RIMS1: variants seen among roughly 807,000 people sequenced by gnomAD.
The protein encoded by RIMS1 is regulating synaptic membrane exocytosis protein 1.
A neutral mutation model predicts 214.1 loss-of-function variants in RIMS1; 83 were observed. The observed-to-expected ratio is 0.39, with a 90% CI of 0.32 to 0.47. The LOEUF (loss-of-function observed/expected upper bound fraction) is 0.47, where lower values mean the gene tolerates loss of function less well. RIMS1 is among the 20% of genes least tolerant of loss of function. The pLI, the probability that RIMS1 is intolerant of heterozygous loss-of-function variation, is 0.99. For missense variants in RIMS1, 2,050 were observed against 2,161.8 expected (o/e 0.95, Z 1.03); for synonymous variants, 793 against 786.8 (o/e 1.01, Z -0.13).
chr6:72,290,438 T>C (rs569556898), intron 24 of RIMS1, among the ~76,000 whole-genome samples: 2 of 152,284 alleles, frequency 1.3e-5, no homozygotes, highest in African/African-American at 4.8e-5. Context: ...TGGTGGAACA[T>C]ACAAGAGGTT....
At chr6:72,252,961 C>T (rs990673274) in intron 16 of RIMS1, 129 bp downstream of exon 16, 1 of 642,256 alleles carries the variant, frequency 1.6e-6, no homozygotes, top group Non-Finnish European at 2.7e-6. Context: ...TATATTATTC[C>T]ATGGTGACTT....
chr6:71,888,150 A>G (rs1768419695), intron 1 of RIMS1, among the ~76,000 whole-genome samples: 1 of 152,156 alleles, frequency 6.6e-6, no homozygotes, highest in South Asian at 2.1e-4. Flanking sequence ...TGCCTCAGAC[A>G]AAACTGCTTA....
chr6:72,402,684 A>G lies in RIMS1; in HGVS notation c.*1970A>G, dbSNP rs2154465266. 1 of 152,792 alleles carries G rather than the reference A, an allele frequency of 6.5e-6. No homozygotes were observed. Among genetic ancestry groups the G allele is most frequent in the Admixed American group, 6.5e-5 (1 of 15,292 alleles). The allele number at this position is 152,792 out of a possible 1,614,324, so 9.5% of individuals were successfully genotyped here. On this transcript the variant is annotated 3_prime_UTR_variant, in exon 34 of 34. Coordinates refer to ENST00000521978, the MANE Select transcript of RIMS1 (RefSeq NM_014989.7). ...GTTCTGTCTTAGTGGCCAACAATCA[A>G]CTGATTATAATTGGGTAGTATCTTT... is the stretch of plus-strand genomic sequence containing the variant.
At chr6:71,964,568 A>G (rs1793904220) in intron 1 of RIMS1, among the ~76,000 whole-genome samples, 1 of 152,166 alleles carries the variant, frequency 6.6e-6, no homozygotes, top group Admixed American at 6.5e-5. Context: ...TGGTATTAGG[A>G]CACAGGATGT....
At chr6:72,131,638 TG>T (rs1314831135) in intron 4 of RIMS1, among the ~76,000 whole-genome samples, 1 of 152,170 alleles carries the variant, frequency 6.6e-6, no homozygotes, top group Non-Finnish European at 1.5e-5. Context: ...ACCACAGGAC[TG>T]GGGCAAAATT....
At position 72,248,070 on chromosome 6, in the gene RIMS1, T is replaced by G. The variant is rs777279575; in HGVS notation, c.2184T>G (p.Ser728=). The change falls in exon 12 of 34, where the codon TCT becomes TCG. Residue 728 remains serine, a synonymous_variant. Coordinates refer to ENST00000521978, the MANE Select transcript of RIMS1 (RefSeq NM_014989.7). ...KMERPSISVI[S]PTSPGALKDA... ...AAAGGCCTTCCATTTCTGTTATTTC[T>G]CCAACAAGTCCTGGAGCTCTAAAAG... 3.1e-6 allele frequency: 5 copies of G among 1,613,418 alleles called. No individual in the cohort carries two copies. Among genetic ancestry groups the G allele is most frequent in the Non-Finnish European group, 4.2e-6 (5 of 1,179,546 alleles).
At chr6:71,968,394 G>C (rs1194999032) in intron 1 of RIMS1, among the ~76,000 whole-genome samples, 2 of 151,708 alleles carry the variant, frequency 1.3e-5, no homozygotes, top group African/African-American at 4.9e-5. Flanking sequence ...CATTTTGGAG[G>C]TATCTTTTCT....
At chr6:72,236,019 C>T (rs879692444) in intron 8 of RIMS1, among the ~76,000 whole-genome samples, 1 of 151,962 alleles carries the variant, frequency 6.6e-6, no homozygotes, top group Non-Finnish European at 1.5e-5. Context: ...TTAAAGGGAT[C>T]ACTTTCTAAT....
chr6:72,358,838 G>T (rs1178078541), intron 29 of RIMS1, among the ~76,000 whole-genome samples: 4 of 152,100 alleles, frequency 2.6e-5, no homozygotes, highest in Non-Finnish European at 4.4e-5. Context: ...GACACATCAG[G>T]CTCCAGCTAA....
intron 6 of RIMS1, among the ~76,000 whole-genome samples, chr6:72,204,595 G>A (rs2052589510): frequency 6.6e-6 from 1 of 152,046 alleles, no homozygotes; most frequent in Non-Finnish European, 1.5e-5. Context: ...CTCCTCAATC[G>A]TTCTCTTTGA....
chr6:71,940,514 A>G (rs1025885417), intron 1 of RIMS1, among the ~76,000 whole-genome samples: 1 of 152,216 alleles, frequency 6.6e-6, no homozygotes, highest in Admixed American at 6.5e-5. Context: ...CCACAAGTAA[A>G]GTGTGGTCTG....
intron 29 of RIMS1, among the ~76,000 whole-genome samples, chr6:72,352,669 G>T (rs1174454710): frequency 6.6e-6 from 1 of 152,098 alleles, no homozygotes; most frequent in Admixed American, 6.6e-5. Flanking sequence ...TACATGTTAT[G>T]CATTTTTGTC....
At chr6:72,032,716 T>C (rs924915815) in intron 2 of RIMS1, among the ~76,000 whole-genome samples, 1 of 152,200 alleles carries the variant, frequency 6.6e-6, no homozygotes, top group African/African-American at 2.4e-5. Flanking sequence ...AAAGATCTTG[T>C]ATGTAAAATT....
At chr6:72,371,101 G>A (rs538766902) in intron 29 of RIMS1, among the ~76,000 whole-genome samples, 1 of 152,158 alleles carries the variant, frequency 6.6e-6, no homozygotes, top group African/African-American at 2.4e-5. Context: ...AACAATGAAA[G>A]CTATTCCTTT....
intron 1 of RIMS1, among the ~76,000 whole-genome samples, chr6:71,930,334 A>G (rs1415429771): frequency 6.6e-6 from 1 of 152,034 alleles, no homozygotes; most frequent in African/African-American, 2.4e-5. Context: ...AATATTTTTA[A>G]AATTGACATA....
chr6:71,991,363 T>C (rs980360900), intron 2 of RIMS1, among the ~76,000 whole-genome samples: 1 of 152,230 alleles, frequency 6.6e-6, no homozygotes, highest in African/African-American at 2.4e-5. Context: ...CTGTTTACTT[T>C]ATCATTTACT....
chr6:72,225,590 A>G (rs750786692), intron 6 of RIMS1, among the ~76,000 whole-genome samples: 4 of 152,170 alleles, frequency 2.6e-5, no homozygotes, highest in Admixed American at 2.6e-4. Context: ...TCTTAAACCT[A>G]TGGTTAACAT....
intron 6 of RIMS1, chr6:72,213,224 TA>T: frequency 6.5e-7 from 1 of 1,535,698 alleles, no homozygotes; most frequent in Non-Finnish European, 8.7e-7. Context: ...CAGTTGCTGG[TA>T]AGCAATAGAT....
intron 1 of RIMS1, among the ~76,000 whole-genome samples, chr6:71,924,826 A>G (rs1056227666): frequency 1.2e-4 from 18 of 151,536 alleles, no homozygotes; most frequent in South Asian, 4.2e-4. Flanking sequence ...AAAAAAAAAA[A>G]AAAGATTTAA....
Sources: allele counts gnomAD v4.1 joint callset (sites outside exome capture counted in the v4.1 genomes callset), GRCh38; gene constraint gnomAD v4.1.1; transcripts MANE v1.5; gene names NCBI Gene and HGNC (gene_info 2026-07-23, HGNC 2026-07-21).